Variants in CLIC5 observed in about 807,000 individuals in gnomAD.
CLIC5 encodes the protein CLIC family member 5.
A neutral mutation model predicts 24.7 loss-of-function variants in CLIC5; 20 were observed. The observed-to-expected ratio is 0.81, with a 90% CI of 0.57 to 1.18. The LOEUF (loss-of-function observed/expected upper bound fraction) is 1.18. CLIC5 is among the 50% of genes most tolerant of loss of function. CLIC5 has a pLI of 0.00. For missense variants in CLIC5, 341 were observed against 326.1 expected (o/e 1.05, Z -0.35); for synonymous variants, 159 against 135.6 (o/e 1.17, Z -1.20).
chr6:46,024,406 T>C (rs1350850962), intron 1 of CLIC5, among the ~76,000 whole-genome samples: 1 of 152,196 alleles, frequency 6.6e-6, no homozygotes. Context: ...TCTAGGACTT[T>C]TTCTCAGAAA....
intron 3 of CLIC5, among the ~76,000 whole-genome samples, chr6:45,948,427 G>A (rs551996667): frequency 6.6e-6 from 1 of 152,224 alleles, no homozygotes; most frequent in Non-Finnish European, 1.5e-5. Flanking sequence ...AACCTCTAAA[G>A]TAGGTCTTAA....
At chr6:46,006,081 CAT>C (rs1257874877) in intron 1 of CLIC5, among the ~76,000 whole-genome samples, 3 of 90,440 alleles carry the variant, frequency 3.3e-5, no homozygotes, top group Admixed American at 1.3e-4. Context: ...TATATATACA[CAT>C]GTATAAATAC....
At chr6:45,985,295 A>G (rs986996103) in intron 1 of CLIC5, among the ~76,000 whole-genome samples, 4 of 152,174 alleles carry the variant, frequency 2.6e-5, no homozygotes, top group Admixed American at 2.6e-4. Context: ...TCATGAAGCA[A>G]TTCATTCTAC....
chr6:46,121,266 G>A, the CLIC5 span, among the ~76,000 whole-genome samples: 2 of 152,182 alleles, frequency 1.3e-5, no homozygotes, highest in Non-Finnish European at 2.9e-5. Flanking sequence ...AAGAGAGTGG[G>A]GGCCAATATT....
At chr6:45,887,902 A>C (rs1762319347) in intron 6 of CLIC5, among the ~76,000 whole-genome samples, 1 of 152,246 alleles carries the variant, frequency 6.6e-6, no homozygotes, top group Non-Finnish European at 1.5e-5. Flanking sequence ...GAGAGAGAAA[A>C]AAAGGAGGAA....
chr6:45,942,005 A>G (rs1256822383), intron 3 of CLIC5, among the ~76,000 whole-genome samples: 4 of 152,106 alleles, frequency 2.6e-5, no homozygotes, highest in African/African-American at 9.7e-5. Flanking sequence ...TTGCCTCTCT[A>G]TCTGGTAGGG....
At chr6:46,034,945 A>C (rs747951067) in intron 1 of CLIC5, among the ~76,000 whole-genome samples, 1 of 152,216 alleles carries the variant, frequency 6.6e-6, no homozygotes, top group Non-Finnish European at 1.5e-5. Flanking sequence ...TCTCCAATTC[A>C]TAGTTTCCTT....
chr6:45,896,202 T>A (rs1762391356), downstream of CLIC5, among the ~76,000 whole-genome samples: 1 of 152,136 alleles, frequency 6.6e-6, no homozygotes, highest in Non-Finnish European at 1.5e-5. Flanking sequence ...AAAGAAAAAA[T>A]TCACATAGAC....
At chr6:46,110,524 T>G in the CLIC5 span, among the ~76,000 whole-genome samples, 1 of 152,254 alleles carries the variant, frequency 6.6e-6, no homozygotes, top group Non-Finnish European at 1.5e-5. Context: ...TCCAAGTTTT[T>G]TACTGGAAGG....
intron 1 of CLIC5, among the ~76,000 whole-genome samples, chr6:45,996,135 A>C (rs1213078847): frequency 6.6e-6 from 1 of 152,042 alleles, no homozygotes; most frequent in Non-Finnish European, 1.5e-5. Context: ...AAAAAAAAAA[A>C]ATAGAAATGA....
At chr6:46,051,002 T>C (rs1768087216) in intron 1 of CLIC5, among the ~76,000 whole-genome samples, 1 of 152,034 alleles carries the variant, frequency 6.6e-6, no homozygotes, top group Non-Finnish European at 1.5e-5. Flanking sequence ...TGTGTGTGAG[T>C]CAAAAGTTCT....
At chr6:46,064,927 G>A (rs1035137143) in intron 1 of CLIC5, among the ~76,000 whole-genome samples, 8 of 149,772 alleles carry the variant, frequency 5.3e-5, no homozygotes, top group Non-Finnish European at 1.2e-4. Context: ...TTAAAGAATT[G>A]ATAAATGGGT....
intron 1 of CLIC5, among the ~76,000 whole-genome samples, chr6:46,062,002 G>A (rs796258039): frequency 9.8e-5 from 15 of 152,340 alleles, no homozygotes; most frequent in African/African-American, 3.4e-4. Flanking sequence ...GATGACAGAA[G>A]CTGCCTTTTC....
chr6:45,987,948 A>G (rs986353049), intron 1 of CLIC5, among the ~76,000 whole-genome samples: 2 of 152,220 alleles, frequency 1.3e-5, no homozygotes, highest in South Asian at 2.1e-4. Context: ...CCCAAAGTTC[A>G]TGGCCTTCTC....
chr6:45,934,759 C>T (rs1379485708), intron 4 of CLIC5, among the ~76,000 whole-genome samples: 2 of 152,202 alleles, frequency 1.3e-5, no homozygotes, highest in Non-Finnish European at 1.5e-5. Context: ...GGCAAAAGCA[C>T]ATGAGAATAT....
intron 4 of CLIC5, chr6:45,920,202 C>T (rs3822880): frequency 0.3 from 280,560 of 943,666 alleles, 45,326 homozygotes; most frequent in East Asian, 0.47. Context: ...GTACTTTCAG[C>T]GACCGTGATG....
chr6:45,958,280 T>G (rs12192179), intron 1 of CLIC5, among the ~76,000 whole-genome samples: 126,931 of 150,852 alleles, frequency 0.84, 53,991 homozygotes, highest in Non-Finnish European at 0.9. Flanking sequence ...AAGAGACAAG[T>G]AGAGCCTGGC....
intron 1 of CLIC5, among the ~76,000 whole-genome samples, chr6:46,002,427 C>T (rs1209057825): frequency 1.3e-5 from 2 of 152,162 alleles, no homozygotes; most frequent in Non-Finnish European, 2.9e-5. Flanking sequence ...GCCAATGCCA[C>T]ATCTTGGGCA....
chr6:45,908,880 C>T (rs1762733975), intron 5 of CLIC5, among the ~76,000 whole-genome samples: 1 of 151,956 alleles, frequency 6.6e-6, no homozygotes, highest in African/African-American at 2.4e-5. Context: ...TGTTGAAGTC[C>T]CCCATTATTA....
Sources: allele counts gnomAD v4.1 joint callset (sites outside exome capture counted in the v4.1 genomes callset), GRCh38; gene constraint gnomAD v4.1.1; transcripts MANE v1.5; gene names NCBI Gene and HGNC (gene_info 2026-07-23, HGNC 2026-07-21).